The following RBFOX1 variants were observed in gnomAD, a reference collection of about 807,000 sequenced individuals.
The protein encoded by RBFOX1 is RNA binding fox-1 homolog 1.
A neutral mutation model predicts 57.7 loss-of-function variants in RBFOX1; 8 were observed. The ratio of observed to expected loss-of-function variants is 0.14; its 90% confidence interval spans 0.08 to 0.25. The LOEUF (loss-of-function observed/expected upper bound fraction) is 0.25. Among genes scored for constraint, RBFOX1 ranks in the 10% least tolerant of loss-of-function variants. RBFOX1 has a pLI of 1.00. For missense variants in RBFOX1, 611 were observed against 548.5 expected (o/e 1.11, Z -1.14); for synonymous variants, 326 against 222.4 (o/e 1.47, Z -4.15).
At chr16:6,638,325 T>G (rs1434818182) in intron 2 of RBFOX1, among the ~76,000 whole-genome samples, 1 of 152,194 alleles carries the variant, frequency 6.6e-6, no homozygotes, top group Non-Finnish European at 1.5e-5. Context: ...AAGAATAAGT[T>G]ACTGGTAAAT....
chr16:6,739,713 C>G (rs1012783798), intron 3 of RBFOX1, among the ~76,000 whole-genome samples: 3 of 151,992 alleles, frequency 2.0e-5, no homozygotes, highest in African/African-American at 7.2e-5. Flanking sequence ...CCCATCTCTA[C>G]TAAAAATACA....
intron 3 of RBFOX1, among the ~76,000 whole-genome samples, chr16:6,824,985 T>TTTTTG (rs2091927275): frequency 4.3e-5 from 2 of 47,012 alleles, no homozygotes; most frequent in Non-Finnish European, 6.6e-5. Context: ...CTTTCTTGGT[T>TTTTTG]TTTTTTTTTT....
Position 6,335,511 on chromosome 16 carries a change from G to T in RBFOX1, c.-64+18454G>T, listed in dbSNP as rs936216094. On this transcript the variant is annotated intron_variant, in intron 2 of 15. Transcript: ENST00000550418. The stretch of plus-strand genomic sequence containing the variant: ...AATAAAAAATCAGGCCGGGCGCGGT[G>T]GTTCACGCCTGTAATCCCAGCACTT... Among the ~76,000 whole-genome samples the T allele has an allele frequency of 1.3e-5, 2 of 152,098 alleles. 1 individual carries two copies. The highest frequency in any genetic ancestry group is 4.8e-5 in the African/African-American group (2 of 41,406).
intron 3 of RBFOX1, among the ~76,000 whole-genome samples, chr16:6,968,670 C>G (rs904137239): frequency 4.2e-4 from 64 of 152,114 alleles, no homozygotes; most frequent in African/African-American, 1.5e-3. Context: ...AGGAAGCCCA[C>G]AAGGTGCTGG....
At chr16:7,118,179 A>C (rs1010778246) in intron 4 of RBFOX1, among the ~76,000 whole-genome samples, 2 of 152,104 alleles carry the variant, frequency 1.3e-5, no homozygotes, top group African/African-American at 4.8e-5. Context: ...TTTGCCATAG[A>C]GGTTGTGCTA....
chr16:6,140,925 C>G (rs953262613), intron 1 of RBFOX1, among the ~76,000 whole-genome samples: 24 of 152,214 alleles, frequency 1.6e-4, no homozygotes, highest in Admixed American at 9.2e-4. Flanking sequence ...CCAAGGGACA[C>G]TCCAGTGGTC....
At chr16:7,063,031 T>G (rs1228155578) in intron 4 of RBFOX1, among the ~76,000 whole-genome samples, 7 of 150,982 alleles carry the variant, frequency 4.6e-5, no homozygotes, top group Admixed American at 2.0e-4. Context: ...GCCAAGAGTT[T>G]GGTTAAAGGT....
intron 4 of RBFOX1, among the ~76,000 whole-genome samples, chr16:7,202,098 T>TCAA (rs553351504): frequency 2.0e-5 from 3 of 151,930 alleles, no homozygotes; most frequent in East Asian, 3.9e-4. Flanking sequence ...TATGGGTTAC[T>TCAA]CAACAACAAC....
chr16:6,890,148 G>A (rs2153371735), intron 3 of RBFOX1, among the ~76,000 whole-genome samples: 1 of 152,204 alleles, frequency 6.6e-6, no homozygotes, highest in East Asian at 1.9e-4. Flanking sequence ...AAATGTGAAA[G>A]CCTAAAGGTA....
intron 4 of RBFOX1, among the ~76,000 whole-genome samples, chr16:7,459,032 G>T (rs914001045): frequency 1.3e-5 from 2 of 152,132 alleles, no homozygotes; most frequent in Non-Finnish European, 2.9e-5. Context: ...GTGAATGGAT[G>T]GATGAATGAT....
intron 4 of RBFOX1, among the ~76,000 whole-genome samples, chr16:7,054,852 A>T (rs117449746): frequency 6.6e-6 from 1 of 152,252 alleles, no homozygotes; most frequent in East Asian, 1.9e-4. Flanking sequence ...GAATTCAGGG[A>T]TATAAGTGGA....
chr16:7,621,058 A>T (rs1373078913), intron 10 of RBFOX1, among the ~76,000 whole-genome samples: 1 of 152,062 alleles, frequency 6.6e-6, no homozygotes, highest in Non-Finnish European at 1.5e-5. Context: ...CAGACCCCCT[A>T]GATAAGAATC....
At chr16:7,194,243 A>T (rs1205738404) in intron 4 of RBFOX1, among the ~76,000 whole-genome samples, 1 of 152,242 alleles carries the variant, frequency 6.6e-6, no homozygotes, top group Admixed American at 6.5e-5. Context: ...AATGGTTGTT[A>T]GATTTTAATA....
intron 3 of RBFOX1, among the ~76,000 whole-genome samples, chr16:6,813,936 C>G (rs1223640993): frequency 2.6e-5 from 4 of 152,104 alleles, no homozygotes; most frequent in African/African-American, 9.7e-5. Flanking sequence ...CTCAAGTTAC[C>G]CAGCAAACTA....
At chr16:6,642,015 C>T (rs1602422166) in intron 2 of RBFOX1, among the ~76,000 whole-genome samples, 1 of 152,120 alleles carries the variant, frequency 6.6e-6, no homozygotes, top group Admixed American at 6.5e-5. Context: ...GGAGGCTGAC[C>T]ACCAAATTAG....
intron 4 of RBFOX1, among the ~76,000 whole-genome samples, chr16:7,420,960 C>CACACATAT (rs1555886220): frequency 1.4e-4 from 20 of 145,816 alleles, no homozygotes; most frequent in African/African-American, 5.1e-4. Flanking sequence ...CACACACACA[C>CACACATAT]ATATATATAT....
At chr16:5,251,799 A>G (rs182606485) in intron 1 of RBFOX1, among the ~76,000 whole-genome samples, 6 of 152,070 alleles carry the variant, frequency 3.9e-5, no homozygotes, top group Admixed American at 1.3e-4. Flanking sequence ...CTCATGCTGT[A>G]TGTTTAGATT....
At chr16:6,913,983 A>T (rs765348101) in intron 3 of RBFOX1, among the ~76,000 whole-genome samples, 3 of 152,206 alleles carry the variant, frequency 2.0e-5, no homozygotes, top group Non-Finnish European at 4.4e-5. Flanking sequence ...TCATGTATAC[A>T]TTGCACTTGA....
intron 3 of RBFOX1, among the ~76,000 whole-genome samples, chr16:6,987,074 T>A (rs931401487): frequency 4.6e-5 from 7 of 152,098 alleles, no homozygotes; most frequent in Admixed American, 2.6e-4. Context: ...CTGGGCATCA[T>A]CCAAGCGATC....
Sources: gnomAD v4.1 joint callset for allele counts (sites outside exome capture counted in the v4.1 genomes callset) on GRCh38, gnomAD v4.1.1 for gene constraint, MANE v1.5 for transcripts, NCBI Gene and HGNC (gene_info 2026-07-23, HGNC 2026-07-21) for gene names.